Variants in BDP1 observed in about 807,000 individuals in gnomAD.
The protein encoded by BDP1 is BDP1 general transcription factor IIIB subunit, also known as transcription factor TFIIIB component B'' homolog.
Under a neutral mutation model 266.6 loss-of-function variants are expected in BDP1, and 169 were observed. That is an observed-to-expected ratio of 0.63 (90% CI 0.56 to 0.72). The LOEUF (loss-of-function observed/expected upper bound fraction) is 0.72, where lower values mean the gene tolerates loss of function less well. Among genes scored for constraint, BDP1 ranks in the 30% least tolerant of loss-of-function variants. The pLI is 0.00. For synonymous variants in BDP1, 1,090 were observed against 1,022.4 expected (o/e 1.07, Z -1.26); for missense variants, 3,015 against 3,053.8 (o/e 0.99, Z 0.30).
At chr5:71,518,226 T>C (rs1323948818) in intron 22 of BDP1, among the ~76,000 whole-genome samples, 1 of 152,228 alleles carries the variant, frequency 6.6e-6, no homozygotes, top group Non-Finnish European at 1.5e-5. Flanking sequence ...GAACATGTTT[T>C]AGTGAAGTAT....
chr5:71,468,521 T>G (rs1457755085), intron 6 of BDP1, among the ~76,000 whole-genome samples: 1 of 151,942 alleles, frequency 6.6e-6, no homozygotes, highest in Non-Finnish European at 1.5e-5. Flanking sequence ...AGAATTACCT[T>G]TATAGTCGTT....
intron 25 of BDP1, 70 bp from the exon 26 acceptor site, chr5:71,532,238 G>C: frequency 7.3e-7 from 1 of 1,361,010 alleles, no homozygotes; most frequent in Non-Finnish European, 1.0e-6. Flanking sequence ...ACTTATTCAT[G>C]TTGAAGATGA....
chr5:71,467,383 G>T lies in BDP1; in HGVS notation c.815G>T (p.Gly272Val), dbSNP rs1411324817. Residue 272 changes from glycine (G) to valine (V), a missense_variant, in exon 6 of 39, where the codon GGC becomes GTC. Coordinates refer to ENST00000358731, the MANE Select transcript of BDP1 (RefSeq NM_018429.3). ...SLTVEVLRTKGPCVVEENDPI... is the reference protein window; with the variant it reads ...SLTVEVLRTKVPCVVEENDPI... ...ACTGTAGAAGTTTTAAGAACAAAAG[G>T]CCCTTGTGTTGTTGAAGAAAATGAC... 6.2e-7 allele frequency: 1 copy of T among 1,609,186 alleles called. No individual in the cohort carries two copies. Among genetic ancestry groups the T allele is most frequent in the Non-Finnish European group, 8.5e-7 (1 of 1,176,176 alleles).
intron 6 of BDP1, 88 bp from the exon 7 acceptor site, chr5:71,470,307 T>G: frequency 1.0e-6 from 1 of 963,922 alleles, no homozygotes; most frequent in Non-Finnish European, 1.6e-6. Flanking sequence ...CTAGTAAAAT[T>G]AAGTACTGTC....
At chr5:71,573,914 T>C in the BDP1 span, among the ~76,000 whole-genome samples, 1 of 152,230 alleles carries the variant, frequency 6.6e-6, no homozygotes, top group Non-Finnish European at 1.5e-5. Flanking sequence ...TCTTGCAAGA[T>C]TGCAAGAGGC....
downstream of BDP1, among the ~76,000 whole-genome samples, chr5:71,571,079 G>A (rs942981545): frequency 3.9e-5 from 6 of 152,146 alleles, no homozygotes; most frequent in African/African-American, 1.4e-4. Flanking sequence ...AGTATTATGA[G>A]TAACCTAGAG....
intron 8 of BDP1, among the ~76,000 whole-genome samples, chr5:71,485,174 A>G (rs1250787759): frequency 6.6e-6 from 1 of 152,164 alleles, no homozygotes; most frequent in Admixed American, 6.6e-5. Flanking sequence ...AACAGGATAC[A>G]GTGTTGTATG....
chr5:71,565,508 ATACT>A lies in BDP1; in HGVS notation c.*628_*631del, dbSNP rs1373187460. 2 of 152,492 alleles carry A rather than the reference ATACT, an allele frequency of 1.3e-5. No individual in the cohort carries two copies. The highest frequency in any genetic ancestry group is 4.8e-5 in the African/African-American group (2 of 41,462). 9.4% of individuals were successfully genotyped at this position (152,492 alleles called of 1,614,324 possible). A position where few individuals can be genotyped will look rare whatever the true frequency, so the allele number is the denominator to read the frequency against. On this transcript the variant is annotated 3_prime_UTR_variant, in exon 39 of 39. Transcript: ENST00000358731. ...TGTTTAGATATGTTTAGATACACAA[ATACT>A]TACTATTGTGTTACAACTGCCTACA...
At chr5:71,462,372 A>C (rs977374238) in intron 3 of BDP1, among the ~76,000 whole-genome samples, 1 of 152,200 alleles carries the variant, frequency 6.6e-6, no homozygotes, top group African/African-American at 2.4e-5. Flanking sequence ...ATGTCCTTTT[A>C]AATAGAATTT....
At chr5:71,471,731 C>T (rs1237013778) in intron 7 of BDP1, among the ~76,000 whole-genome samples, 1 of 152,184 alleles carries the variant, frequency 6.6e-6, no homozygotes, top group Non-Finnish European at 1.5e-5. Context: ...TGCCATAATG[C>T]ATTCTCAATT....
chr5:71,455,848 G>C lies in BDP1; in HGVS notation c.-30G>C, dbSNP rs747610088. On this transcript the variant is annotated 5_prime_UTR_variant, in exon 1 of 39. Coordinates refer to ENST00000358731, the MANE Select transcript of BDP1 (RefSeq NM_018429.3). ...GGCTCGGGGCTGTGAGCGGCCGTGA[G>C]GCTGCCTCCCCGGGCCCCCTGCCTC... 1 of 1,541,966 alleles carries C rather than the reference G, an allele frequency of 6.5e-7. No individual in the cohort carries two copies. Among genetic ancestry groups the C allele is most frequent in the South Asian group, 1.2e-5 (1 of 83,634 alleles).
chr5:71,499,887 A>G (rs1764125322), intron 13 of BDP1, among the ~76,000 whole-genome samples: 1 of 152,218 alleles, frequency 6.6e-6, no homozygotes, highest in African/African-American at 2.4e-5. Context: ...CGTTGGGTCA[A>G]ATAATGTTTT....
chr5:71,515,998 T>C (rs1765194332), intron 20 of BDP1, 63 bp from the exon 21 acceptor site: 2 of 1,227,606 alleles, frequency 1.6e-6, no homozygotes, highest in African/African-American at 3.1e-5. Context: ...TTTTACATTT[T>C]TACATTAGTT....
intron 2 of BDP1, among the ~76,000 whole-genome samples, chr5:71,459,601 T>C (rs1342857282): frequency 2.6e-5 from 4 of 152,228 alleles, no homozygotes; most frequent in African/African-American, 9.6e-5. Context: ...ATTTGTGTTA[T>C]GCATATATTA....
chr5:71,511,700 A>AT (rs1176210864), intron 17 of BDP1, among the ~76,000 whole-genome samples: 1 of 151,700 alleles, frequency 6.6e-6, no homozygotes, highest in Non-Finnish European at 1.5e-5. Context: ...TATTATTATT[A>AT]TTTTTTTTCT....
At chr5:71,530,584 T>A (rs755928479) in intron 25 of BDP1, among the ~76,000 whole-genome samples, 6 of 151,732 alleles carry the variant, frequency 4.0e-5, no homozygotes, top group East Asian at 3.9e-4. Context: ...AAGATCTTGC[T>A]GTGTTGTCCA....
chr5:71,522,502 C>A lies in BDP1; in HGVS notation c.5193+12C>A, dbSNP rs202019316. 2.0e-3 allele frequency: 2,864 copies of A among 1,433,270 alleles called. No individual in the cohort carries two copies. The highest frequency in any genetic ancestry group is 5.9e-3 in the South Asian group (446 of 75,968). The allele number at this position is 1,433,270 out of a possible 1,614,324, so 88.8% of individuals were successfully genotyped here. On this transcript the variant is annotated intron_variant, in intron 23 of 38. Transcript: ENST00000358731. ...AGCTCCTTCTAAAAGTAAGTTTGGG[C>A]AAAAAAAAAAAAAAAATTTTTTTTC...
At chr5:71,529,534 T>G (rs1408467554) in intron 25 of BDP1, among the ~76,000 whole-genome samples, 1 of 152,098 alleles carries the variant, frequency 6.6e-6, no homozygotes, top group Non-Finnish European at 1.5e-5. Context: ...CTACATTCAG[T>G]CAATAAATTA....
Position 71,567,427 on chromosome 5 carries a change from A to C in BDP1, c.*2542A>C, listed in dbSNP as rs1259111587. 3 of 152,218 alleles carry C rather than the reference A, an allele frequency of 2.0e-5. No individual in the cohort carries two copies. The highest frequency in any genetic ancestry group is 1.9e-4 in the East Asian group (1 of 5,204). The allele number at this position is 152,218 out of a possible 1,614,324, so 9.4% of individuals were successfully genotyped here. On this transcript the variant is annotated 3_prime_UTR_variant, in exon 39 of 39. Transcript: ENST00000358731. Reference sequence around the variant, plus strand: ...AATTTTGGAAAAGAGAAAGTTAATCAATGTATTTACCTTACATGTTGGAAA... The same window carrying C: ...AATTTTGGAAAAGAGAAAGTTAATCCATGTATTTACCTTACATGTTGGAAA...
Sources: allele counts gnomAD v4.1 joint callset (sites outside exome capture counted in the v4.1 genomes callset), GRCh38; gene constraint gnomAD v4.1.1; transcripts MANE v1.5; gene names NCBI Gene and HGNC (gene_info 2026-07-23, HGNC 2026-07-21).